IHH: variants seen among roughly 807,000 people sequenced by gnomAD.
IHH encodes the protein indian hedgehog protein.
In IHH, 9 loss-of-function variants were observed where a neutral mutation model predicts 29.4. The observed-to-expected ratio is 0.31, with a 90% CI of 0.18 to 0.53. The LOEUF is 0.53. Among genes scored for constraint, IHH ranks in the 20% least tolerant of loss-of-function variants. The pLI, the probability that IHH is intolerant of heterozygous loss-of-function variation, is 0.95. For missense variants in IHH, 454 were observed against 578.1 expected, an observed-to-expected ratio of 0.79 and a Z score of 2.20; for synonymous variants, 254 against 252.7, an observed-to-expected ratio of 1.01 and a Z score of -0.05.
chr2:219,060,039 G>A lies in IHH; in HGVS notation c.315+114C>T. On this transcript the variant is annotated intron_variant, in intron 1 of 2. Coordinates refer to ENST00000295731, the MANE Select transcript of IHH (RefSeq NM_002181.4). The surrounding 1 kb of genome is among the most constrained non-coding windows in gnomAD (Gnocchi z 8.8). The stretch of plus-strand genomic sequence containing the variant: ...GGAGGCAGCGGGGCTTGGCGAGAGG[G>A]GCAGGTGCCAGGGAGCGTGCCAGCC... 1 of 929,128 alleles carries A rather than the reference G, an allele frequency of 1.1e-6. No individual in the cohort carries two copies. The highest frequency in any genetic ancestry group is 2.5e-5 in the East Asian group (1 of 40,106). The allele number at this position is 929,128 out of a possible 1,614,324, so 57.6% of individuals were successfully genotyped here. A position where few individuals can be genotyped will look rare whatever the true frequency, so the allele number is the denominator to read the frequency against.
Position 219,057,602 on chromosome 2 carries a change from G to A in IHH, c.408C>T (p.Asp136=), listed in dbSNP as rs750120313. 4 of 1,613,994 alleles carry A rather than the reference G, an allele frequency of 2.5e-6. No homozygotes were observed. Among genetic ancestry groups the A allele is most frequent in the East Asian group, 2.2e-5 (1 of 44,874 alleles). ...KLRVTEGWDE[D]GHHSEESLHY... ...GCAGGGACTCCTCTGAGTGGTGGCC[G>A]TCCTCGTCCCAGCCCTCGGTCACCC... is the stretch of plus-strand genomic sequence containing the variant. Residue 136 remains aspartate, a synonymous_variant, in exon 2 of 3, where the codon GAC becomes GAT. Transcript: ENST00000295731.
chr2:219,055,698 G>A lies in IHH; in HGVS notation c.745C>T (p.Arg249Cys), dbSNP rs1270728079. 11 of 1,613,666 alleles carry A rather than the reference G, an allele frequency of 6.8e-6. No homozygotes were observed. Among genetic ancestry groups the A allele is most frequent in the East Asian group, 2.2e-5 (1 of 44,898 alleles). Reference sequence around the variant, plus strand: ...AAGGCTCTCAGCCTGTGAGGCTCGCGGTCCAGGAAAATGAGCACATCGCTG... The same window carrying A: ...AAGGCTCTCAGCCTGTGAGGCTCGCAGTCCAGGAAAATGAGCACATCGCTG... The part of the protein sequence containing the change: ...TFSDVLIFLD[R>C]EPHRLRAFQV... The change falls in exon 3 of 3, where the codon CGC (arginine) becomes TGC (cysteine). Residue 249 changes from arginine to cysteine, a missense_variant. By Grantham distance (180) the Arg-to-Cys change is radical. This residue lies in a region of IHH where 271 missense variants were observed against 315.9 expected (regional missense o/e 0.86). Transcript: ENST00000295731.
In IHH at chr2:219,059,744, G is replaced by A. The variant is rs1948864444; in HGVS notation, c.315+409C>T. ...CACCCAGAGATTCTTTGCCTCAGGG[G>A]TGCCGAAAAGTTTCAAAATGAAAGG... On this transcript the variant is annotated intron_variant, in intron 1 of 2. Coordinates refer to ENST00000295731, the MANE Select transcript of IHH (RefSeq NM_002181.4). The surrounding 1 kb of genome is among the most constrained non-coding windows in gnomAD (Gnocchi z 4.7). Among the ~76,000 whole-genome samples, 1 of 152,234 alleles carries A rather than the reference G, an allele frequency of 6.6e-6. No individual in the cohort carries two copies.
chr2:219,059,500 C>T lies in IHH; in HGVS notation c.315+653G>A, dbSNP rs1341698637. On this transcript the variant is annotated intron_variant, in intron 1 of 2. Coordinates refer to ENST00000295731, the MANE Select transcript of IHH (RefSeq NM_002181.4). The surrounding 1 kb of genome is among the most constrained non-coding windows in gnomAD (Gnocchi z 4.7). The stretch of plus-strand genomic sequence containing the variant: ...ATCCCCTAAGCTCAGTCCCAGAGCC[C>T]GAAGGCCCCAATAACCCACCCTTCC... Among the ~76,000 whole-genome samples, 4 of 152,122 alleles carry T rather than the reference C, an allele frequency of 2.6e-5. No individual in the cohort carries two copies. Among genetic ancestry groups the T allele is most frequent in the African/African-American group, 9.7e-5 (4 of 41,428 alleles).
Position 219,060,328 on chromosome 2 carries a change from A to G in IHH, c.140T>C (p.Leu47Pro). The G allele has an allele frequency of 6.2e-7, 1 of 1,611,188 alleles. No homozygotes were observed. The highest frequency in any genetic ancestry group is 8.5e-7 in the Non-Finnish European group (1 of 1,179,672). ...ATTGGGGCTGAACTGCTTGTAGGCGAGCGGCACGAGTTTGCGTGGCGGTCG... is the reference window on the plus strand; with the variant it reads ...ATTGGGGCTGAACTGCTTGTAGGCGGGCGGCACGAGTTTGCGTGGCGGTCG... ...RRRPPRKLVP[L>P]AYKQFSPNVP... The change falls in exon 1 of 3, where the codon CTC becomes CCC. Residue 47 changes from leucine (L) to proline (P), a missense_variant. Physicochemically the swap from Leu to Pro is moderately conservative, Grantham distance 98 (BLOSUM62 -3). Transcript: ENST00000295731. The surrounding 1 kb of genome is among the most constrained non-coding windows in gnomAD (Gnocchi z 8.8).
Position 219,059,578 on chromosome 2 carries a change from GGT to G in IHH, c.315+573_315+574del, listed in dbSNP as rs1276106907. On this transcript the variant is annotated intron_variant, in intron 1 of 2. Coordinates refer to ENST00000295731, the MANE Select transcript of IHH (RefSeq NM_002181.4). The surrounding 1 kb of genome is among the most constrained non-coding windows in gnomAD (Gnocchi z 4.7). ...GACAGACACGTGGGCTCGCTGGGCA[GGT>G]TCCTTTTCCCACCTCCGCCTCCCGA... Among the ~76,000 whole-genome samples the G allele has an allele frequency of 1.3e-5, 2 of 152,236 alleles. No individual in the cohort carries two copies. Among genetic ancestry groups the G allele is most frequent in the Non-Finnish European group, 1.5e-5 (1 of 68,016 alleles).
Position 219,055,496 on chromosome 2 carries a change from C to A in IHH, c.947G>T (p.Arg316Leu). The change falls in exon 3 of 3, where the codon CGC (arginine) becomes CTC (leucine). Residue 316 changes from arginine to leucine, a missense_variant. By Grantham distance (102) the Arg-to-Leu change is moderately radical (BLOSUM62 -2). This residue lies in a region of IHH where 271 missense variants were observed against 315.9 expected (regional missense o/e 0.86). Transcript: ENST00000295731. ...VAGVPGLQPARVAAVSTHVAL... is the reference protein window; with the variant it reads ...VAGVPGLQPALVAAVSTHVAL... ...CACGTGTGTAGAGACAGCTGCCACG[C>A]GGGCAGGCTGCAGGCCTGGCACCCC... The A allele has an allele frequency of 6.2e-7, 1 of 1,609,510 alleles. No individual in the cohort carries two copies. Among genetic ancestry groups the A allele is most frequent in the Non-Finnish European group, 8.5e-7 (1 of 1,177,358 alleles).
rs1015309029 is a variant in IHH, at chr2:219,060,220, G to A, written c.248C>T (p.Pro83Leu). The change falls in exon 1 of 3, where the codon CCC becomes CTC. Residue 83 changes from proline (P) to leucine (L), a missense_variant. By Grantham distance (98) the Pro-to-Leu change is moderately conservative. Coordinates refer to ENST00000295731, the MANE Select transcript of IHH (RefSeq NM_002181.4). This position sits in a 1 kb window ranked among gnomAD's most constrained non-coding sequence, Gnocchi z 8.8. ...GAAGATGATGTCTGGATTGTAATTG[G>A]GGGTGAGCTCCTTGAAGCGCTCGGA... Reference protein sequence around the residue: ...RSSERFKELTPNYNPDIIFKD... With the variant: ...RSSERFKELTLNYNPDIIFKD... 3 of 1,613,624 alleles carry A rather than the reference G, an allele frequency of 1.9e-6. No homozygotes were observed. Among genetic ancestry groups the A allele is most frequent in the Non-Finnish European group, 2.5e-6 (3 of 1,179,874 alleles).
rs764291718 is a variant in IHH at position 219,055,411 on chromosome 2, C to T, written c.1032G>A (p.Val344=). Residue 344 remains valine (V), a synonymous_variant, in exon 3 of 3, where the codon GTG becomes GTA. Coordinates refer to ENST00000295731, the MANE Select transcript of IHH (RefSeq NM_002181.4). ...CAGCCACGGCCGCGAAGCAGGATGC[C>T]ACCACATCCTCCACCACCAGTGTCC... is the stretch of plus-strand genomic sequence containing the variant. The part of the protein sequence containing the change: ...KHGTLVVEDV[V]ASCFAAVADH... The T allele has an allele frequency of 1.2e-6, 2 of 1,613,288 alleles. No homozygotes were observed. Among genetic ancestry groups the T allele is most frequent in the East Asian group, 2.2e-5 (1 of 44,880 alleles).
At position 219,055,739 on chromosome 2, in the gene IHH, T is replaced by A. The variant is rs774042639; in HGVS notation, c.704A>T (p.Asp235Val). Residue 235 changes from aspartate to valine, a missense_variant, in exon 3 of 3, where the codon GAT becomes GTT. Physicochemically the swap from Asp to Val is radical, Grantham distance 152. Coordinates refer to ENST00000295731, the MANE Select transcript of IHH (RefSeq NM_002181.4). ...PGDRVLAMGE[D>V]GSPTFSDVLI... ...CACATCGCTGAAGGTGGGGCTCCCA[T>A]CCTCCCCCATGGCCAGCACACGGTC... 9.9e-6 allele frequency: 16 copies of A among 1,613,618 alleles called. No individual in the cohort carries two copies. Among genetic ancestry groups the A allele is most frequent in the Non-Finnish European group, 1.4e-5 (16 of 1,179,946 alleles).
In IHH at chr2:219,055,289, G is replaced by T; in HGVS notation, c.1154C>A (p.Pro385His). ...ACGCCCCAGGCGGTAGAGCAGCTGG[G>T]GGTACCAATGCACACCCTCCCCCGG... The part of the protein sequence containing the change: ...WTPGEGVHWY[P>H]QLLYRLGRLL... The change falls in exon 3 of 3, where the codon CCC (proline) becomes CAC (histidine). Residue 385 changes from proline to histidine, a missense_variant. Physicochemically the swap from Pro to His is moderately conservative, Grantham distance 77. Transcript: ENST00000295731. 6.2e-7 allele frequency: 1 copy of T among 1,612,380 alleles called. No individual in the cohort carries two copies. Among genetic ancestry groups the T allele is most frequent in the Non-Finnish European group, 8.5e-7 (1 of 1,179,616 alleles).
At position 219,055,171 on chromosome 2, in the gene IHH, G is replaced by A; in HGVS notation, c.*36C>T. ...CCTGGCTGAGAGGCTTCTGGACCCA[G>A]TACAGCAGTTCCAGGAGGGCAGCGG... is the stretch of plus-strand genomic sequence containing the variant. On this transcript the variant is annotated 3_prime_UTR_variant, in exon 3 of 3. Coordinates refer to ENST00000295731, the MANE Select transcript of IHH (RefSeq NM_002181.4). 2 of 1,549,684 alleles carry A rather than the reference G, an allele frequency of 1.3e-6. No individual in the cohort carries two copies. Among genetic ancestry groups the A allele is most frequent in the Non-Finnish European group, 1.7e-6 (2 of 1,146,132 alleles).
At chr2:219,055,915 C>A in intron 2 of IHH, 50 bp from the exon 3 acceptor site, 1 of 1,562,856 alleles carries the variant, frequency 6.4e-7, no homozygotes, top group Non-Finnish European at 8.6e-7. Flanking sequence ...GCTCAGCCTC[C>A]TGGTCACAAC....
In IHH at chr2:219,059,023, C is replaced by T. The variant is rs920097103; in HGVS notation, c.315+1130G>A. On this transcript the variant is annotated intron_variant, in intron 1 of 2. Coordinates refer to ENST00000295731, the MANE Select transcript of IHH (RefSeq NM_002181.4). This position sits in a 1 kb window ranked among gnomAD's most constrained non-coding sequence, Gnocchi z 4.7. ...GCCCGCCTGCAGCCCTGGTTCCCCG[C>T]CTCTCTCCCTCACTGCCACCGCCCC... is the stretch of plus-strand genomic sequence containing the variant. Among the ~76,000 whole-genome samples, 1 of 152,162 alleles carries T rather than the reference C, an allele frequency of 6.6e-6. No homozygotes were observed. Among genetic ancestry groups the T allele is most frequent in the Non-Finnish European group, 1.5e-5 (1 of 68,020 alleles).
In IHH at chr2:219,059,114, C is replaced by T. The variant is rs1250232413; in HGVS notation, c.315+1039G>A. Among the ~76,000 whole-genome samples, 1 of 152,242 alleles carries T rather than the reference C, an allele frequency of 6.6e-6. No homozygotes were observed. Among genetic ancestry groups the T allele is most frequent in the Non-Finnish European group, 1.5e-5 (1 of 68,034 alleles). ...CCCAGCCCGTGGCCCGGATCCTTAT[C>T]TGCATTCCTCGGCGCCCGGCCCGGC... On this transcript the variant is annotated intron_variant, in intron 1 of 2. Coordinates refer to ENST00000295731, the MANE Select transcript of IHH (RefSeq NM_002181.4). This position sits in a 1 kb window ranked among gnomAD's most constrained non-coding sequence, Gnocchi z 4.7.
chr2:219,057,751 C>T, intron 1 of IHH, 57 bp from the exon 2 acceptor site: 2 of 1,595,094 alleles, frequency 1.3e-6, no homozygotes, highest in East Asian at 2.2e-5. Context: ...AGGAGCCGGC[C>T]GAGGTGCAGG....
rs904571891 is a variant in IHH at position 219,060,443 on chromosome 2, G to T, written c.25C>A (p.Arg9=). 2 of 1,563,754 alleles carry T rather than the reference G, an allele frequency of 1.3e-6. No individual in the cohort carries two copies. ...AACAGGACCAGGCAGAAGTGCAGTC[G>T]GGGCCGGAGCCGGGCGGGAGACATG... The part of the protein sequence containing the change: MSPARLRP[R]LHFCLVLLLL... The change falls in exon 1 of 3, where the codon CGA becomes AGA. Residue 9 remains arginine (R), a synonymous_variant. Coordinates refer to ENST00000295731, the MANE Select transcript of IHH (RefSeq NM_002181.4). The surrounding 1 kb of genome is among the most constrained non-coding windows in gnomAD (Gnocchi z 8.8).
rs565565421 is a variant in IHH at position 219,054,914 on chromosome 2, G to A, written c.*293C>T. The A allele has an allele frequency of 2.1e-4, 95 of 458,386 alleles. No individual in the cohort carries two copies. Among genetic ancestry groups the A allele is most frequent in the Admixed American group, 1.5e-4 (4 of 26,436 alleles). 28.4% of individuals were successfully genotyped at this position (458,386 alleles called of 1,614,324 possible). ...TGGGGGAGGCAGAGTATGAAAACTC[G>A]TAGTGAGAGCAGGCTGAGTTGGGAG... On this transcript the variant is annotated 3_prime_UTR_variant, in exon 3 of 3. Transcript: ENST00000295731.
At chr2:219,055,915 C>G in intron 2 of IHH, 50 bp from the exon 3 acceptor site, 1 of 1,562,856 alleles carries the variant, frequency 6.4e-7, no homozygotes, top group Non-Finnish European at 8.6e-7. Flanking sequence ...GCTCAGCCTC[C>G]TGGTCACAAC....
Sources: allele counts gnomAD v4.1 joint callset (sites outside exome capture counted in the v4.1 genomes callset), GRCh38; gene constraint gnomAD v4.1.1; regional missense constraint gnomAD v4.1.1; non-coding constraint Gnocchi (gnomAD v3.1); transcripts MANE v1.5; gene names NCBI Gene and HGNC (gene_info 2026-07-23, HGNC 2026-07-21).